STXBP5L: variants seen among roughly 807,000 people sequenced by gnomAD.
STXBP5L encodes the protein syntaxin binding protein 5L, also known as syntaxin-binding protein 5-like.
In STXBP5L, 65 loss-of-function variants were observed where a neutral mutation model predicts 144.5. The ratio of observed to expected loss-of-function variants is 0.45; its 90% confidence interval spans 0.37 to 0.55. The LOEUF is 0.55. Ranked by LOEUF, STXBP5L falls within the 20% of genes least tolerant of loss-of-function variation. STXBP5L has a pLI of 0.00. For synonymous variants in STXBP5L, 505 were observed against 469.6 expected, an observed-to-expected ratio of 1.08 and a Z score of -0.97; for missense variants, 1,298 against 1,405.5, an observed-to-expected ratio of 0.92 and a Z score of 1.22.
chr3:121,059,864 A>T (rs1406461508), intron 5 of STXBP5L, among the ~76,000 whole-genome samples: 1 of 152,042 alleles, frequency 6.6e-6, no homozygotes, highest in Non-Finnish European at 1.5e-5. Context: ...GCTTAAGGAG[A>T]TTTGGGGCTG....
chr3:121,001,006 G>T (rs1355534146), intron 3 of STXBP5L, among the ~76,000 whole-genome samples: 3 of 152,188 alleles, frequency 2.0e-5, no homozygotes, highest in South Asian at 2.1e-4. Flanking sequence ...GTGGCGGGGG[G>T]AAGGGGGTAA....
At chr3:120,991,842 A>T (rs1464259785) in intron 3 of STXBP5L, among the ~76,000 whole-genome samples, 1 of 152,078 alleles carries the variant, frequency 6.6e-6, no homozygotes, top group African/African-American at 2.4e-5. Flanking sequence ...GGATAGCATT[A>T]GGAGATATAT....
At chr3:121,263,632 C>A (rs748707207) in intron 18 of STXBP5L, among the ~76,000 whole-genome samples, 16 of 152,012 alleles carry the variant, frequency 1.1e-4, no homozygotes, top group Non-Finnish European at 2.2e-4. Flanking sequence ...GATAAATGAC[C>A]TGATGGAGCT....
At chr3:121,058,423 C>T (rs181421313) in intron 5 of STXBP5L, among the ~76,000 whole-genome samples, 33 of 152,284 alleles carry the variant, frequency 2.2e-4, no homozygotes, top group Admixed American at 2.0e-3. Context: ...GTGAACAGTG[C>T]TGCAAAAAGC....
chr3:121,070,352 T>G (rs1196043428), intron 5 of STXBP5L, among the ~76,000 whole-genome samples: 1 of 152,242 alleles, frequency 6.6e-6, no homozygotes, highest in Non-Finnish European at 1.5e-5. Context: ...TCTAATAAAC[T>G]TTGAGGAATG....
chr3:121,353,261 C>G (rs534551994), intron 20 of STXBP5L, among the ~76,000 whole-genome samples: 3 of 152,290 alleles, frequency 2.0e-5, no homozygotes, highest in African/African-American at 7.2e-5. Flanking sequence ...GGAATGGTAA[C>G]AGCTCCTGTT....
At chr3:121,055,028 A>T (rs939821230) in intron 5 of STXBP5L, among the ~76,000 whole-genome samples, 1 of 152,154 alleles carries the variant, frequency 6.6e-6, no homozygotes, top group Non-Finnish European at 1.5e-5. Flanking sequence ...TATTATCTCA[A>T]CTGAGTTAGA....
chr3:121,005,336 C>T (rs1272565371), intron 3 of STXBP5L, among the ~76,000 whole-genome samples: 1 of 152,128 alleles, frequency 6.6e-6, no homozygotes, highest in Non-Finnish European at 1.5e-5. Flanking sequence ...AGTTTATTTG[C>T]ATAGTGGTGT....
chr3:121,171,112 G>A (rs766432666), intron 9 of STXBP5L, among the ~76,000 whole-genome samples: 1 of 152,170 alleles, frequency 6.6e-6, no homozygotes, highest in Admixed American at 6.6e-5. Flanking sequence ...CTCAATAGAT[G>A]CAGAAAAGGC....
At chr3:120,965,574 T>C (rs1229013686) in intron 3 of STXBP5L, among the ~76,000 whole-genome samples, 1 of 152,212 alleles carries the variant, frequency 6.6e-6, no homozygotes, top group Admixed American at 6.5e-5. Flanking sequence ...CATTGAAAAT[T>C]CTTTTCTGTA....
intron 3 of STXBP5L, among the ~76,000 whole-genome samples, chr3:120,962,995 C>T (rs187303515): frequency 6.6e-6 from 1 of 152,272 alleles, no homozygotes; most frequent in East Asian, 1.9e-4. Flanking sequence ...CTTCACATCC[C>T]TTGTTAGTTG....
intron 19 of STXBP5L, among the ~76,000 whole-genome samples, chr3:121,295,568 G>A (rs1412454373): frequency 1.3e-5 from 2 of 151,976 alleles, no homozygotes; most frequent in African/African-American, 2.4e-5. Flanking sequence ...TACAAAATAC[G>A]GGAGATATTA....
chr3:121,343,273 T>C (rs1267972283), intron 20 of STXBP5L, among the ~76,000 whole-genome samples: 1 of 152,020 alleles, frequency 6.6e-6, no homozygotes, highest in African/African-American at 2.4e-5. Context: ...GTTGCGAAAA[T>C]TTTCTCCCAT....
chr3:120,935,765 G>T (rs1220743388), intron 2 of STXBP5L, among the ~76,000 whole-genome samples: 1 of 150,668 alleles, frequency 6.6e-6, no homozygotes, highest in Admixed American at 6.7e-5. Flanking sequence ...AATAGATAAA[G>T]TTTAGTTTTT....
At position 121,377,713 on chromosome 3, in the gene STXBP5L, A is replaced by G. The variant is rs946151728; in HGVS notation, c.2177-1003A>G. ...ATGTGGAGAAATAGAAAACTTTTAC[A>G]CTGTTGGTGGGAGTGTAAATTAGTT... On this transcript the variant is annotated intron_variant, in intron 20 of 26. Coordinates refer to ENST00000471454, the MANE Select transcript of STXBP5L (RefSeq NM_001308330.2). Among the ~76,000 whole-genome samples, 14 of 152,320 alleles carry G rather than the reference A, an allele frequency of 9.2e-5. No homozygotes were observed. In the East Asian group the frequency reaches 1.3e-3, roughly 15 times the overall value.
chr3:121,166,536 T>A (rs940461985), intron 9 of STXBP5L, among the ~76,000 whole-genome samples: 1 of 152,242 alleles, frequency 6.6e-6, no homozygotes, highest in Non-Finnish European at 1.5e-5. Context: ...AATCTTTTGG[T>A]CTTTGGGATA....
intron 3 of STXBP5L, among the ~76,000 whole-genome samples, chr3:121,011,637 A>T (rs933841671): frequency 2.6e-5 from 4 of 151,724 alleles, no homozygotes; most frequent in South Asian, 4.1e-4. Context: ...AAATGAACAG[A>T]TGTTACTCCT....
intron 5 of STXBP5L, among the ~76,000 whole-genome samples, chr3:121,056,225 A>G (rs1173911938): frequency 6.6e-6 from 1 of 152,142 alleles, no homozygotes; most frequent in South Asian, 2.1e-4. Context: ...TGAGTAATGA[A>G]TAAAATAAAA....
Position 121,073,722 on chromosome 3 carries a change from C to T in STXBP5L, c.470+28187C>T, listed in dbSNP as rs571046410. ...AGGGATTCTTCCCCCCTGCCCCCGC[C>T]CCAGCTTTGGTAGCCTTATACAATG... is the stretch of plus-strand genomic sequence containing the variant. On this transcript the variant is annotated intron_variant, in intron 5 of 26. Coordinates refer to ENST00000471454, the MANE Select transcript of STXBP5L (RefSeq NM_001308330.2). 4.6e-5 allele frequency among the ~76,000 whole-genome samples: 7 copies of T among 152,278 alleles called. No individual in the cohort carries two copies. The South Asian group carries it at 1.2e-3, about 27-fold the overall frequency.
Sources: gnomAD v4.1 joint callset for allele counts (sites outside exome capture counted in the v4.1 genomes callset) on GRCh38, gnomAD v4.1.1 for gene constraint, MANE v1.5 for transcripts, NCBI Gene and HGNC (gene_info 2026-07-23, HGNC 2026-07-21) for gene names.